KCNIP3: variants seen among roughly 807,000 people sequenced by gnomAD.
KCNIP3 encodes the protein potassium voltage-gated channel interacting protein 3.
Under a neutral mutation model 35.0 loss-of-function variants are expected in KCNIP3, and 28 were observed. The observed-to-expected ratio is 0.80, with a 90% CI of 0.59 to 1.10. The LOEUF is 1.10. KCNIP3 is among the 50% of genes least tolerant of loss of function. The pLI is 0.00. For synonymous variants in KCNIP3, 134 were observed against 133.8 expected (o/e 1.00, Z -0.01); for missense variants, 295 against 338.4 (o/e 0.87, Z 1.01).
intron 2 of KCNIP3, among the ~76,000 whole-genome samples, chr2:95,327,512 G>C (rs1352322487): frequency 6.6e-6 from 1 of 152,106 alleles, no homozygotes; most frequent in Non-Finnish European, 1.5e-5. Flanking sequence ...AGCAGTGGCT[G>C]TTGTTTTCAT....
rs60746990 is a variant in KCNIP3 at position 95,364,557 on chromosome 2, G to A, written c.182-9739G>A. 4.3e-3 allele frequency among the ~76,000 whole-genome samples: 658 copies of A among 152,228 alleles called. 27 individuals are homozygous for A. The East Asian group carries it at 0.093, about 22-fold the overall frequency. ...GTGGGAAGTATTGAATCACGGGCGC[G>A]GATCCCTCCTGAATGGCCCAGCACC... On this transcript the variant is annotated intron_variant, in intron 2 of 8. Coordinates refer to ENST00000295225, the MANE Select transcript of KCNIP3 (RefSeq NM_013434.5).
intron 2 of KCNIP3, among the ~76,000 whole-genome samples, chr2:95,370,528 TC>T (rs1680018117): frequency 6.6e-6 from 1 of 152,362 alleles, no homozygotes; most frequent in African/African-American, 2.4e-5. Flanking sequence ...AAGTACCTTT[TC>T]CTGTGCTTAT....
At chr2:95,358,310 G>C (rs1360992549) in intron 2 of KCNIP3, among the ~76,000 whole-genome samples, 2 of 152,204 alleles carry the variant, frequency 1.3e-5, no homozygotes, top group African/African-American at 4.8e-5. Flanking sequence ...GTGAATTAAA[G>C]ATTTGGAGAC....
At position 95,322,355 on chromosome 2, in the gene KCNIP3, C is replaced by T. The variant is rs185910398; in HGVS notation, c.181+11835C>T. ...CCAGCCTGGGTAACAGAGTGAGATC[C>T]TGCCTCAAAGAAAAAAATAAAAAAG... On this transcript the variant is annotated intron_variant, in intron 2 of 8. Transcript: ENST00000295225. Among the ~76,000 whole-genome samples the T allele has an allele frequency of 7.1e-4, 108 of 152,170 alleles. 2 individuals are homozygous for T. In the East Asian group the frequency reaches 0.016, roughly 22 times the overall value.
intron 5 of KCNIP3, 87 bp downstream of exon 5, chr2:95,375,295 G>T (rs1031392047): frequency 8.1e-7 from 1 of 1,234,408 alleles, no homozygotes; most frequent in East Asian, 2.3e-5. Context: ...CAGGGCTGTC[G>T]AGAGAGCCAT....
chr2:95,356,164 A>G (rs1679652430), intron 2 of KCNIP3, among the ~76,000 whole-genome samples: 1 of 151,698 alleles, frequency 6.6e-6, no homozygotes, highest in Non-Finnish European at 1.5e-5. Context: ...GTGTCTGTTC[A>G]TATCCTTTGC....
intron 2 of KCNIP3, among the ~76,000 whole-genome samples, chr2:95,320,533 A>G (rs1678567747): frequency 6.6e-6 from 1 of 151,264 alleles, no homozygotes; most frequent in Admixed American, 6.6e-5. Context: ...CCAGGTGCTG[A>G]GCCTGCCCCT....
At position 95,314,395 on chromosome 2, in the gene KCNIP3, C is replaced by T. The variant is rs1490079894; in HGVS notation, c.181+3875C>T. Reference sequence around the variant, plus strand: ...GACATCTGTGGCCATCTTTAATCCACCACAAAGATGGATTAAAGATGGATT... The same window carrying T: ...GACATCTGTGGCCATCTTTAATCCATCACAAAGATGGATTAAAGATGGATT... On this transcript the variant is annotated intron_variant, in intron 2 of 8. Coordinates refer to ENST00000295225, the MANE Select transcript of KCNIP3 (RefSeq NM_013434.5). 2.6e-5 allele frequency among the ~76,000 whole-genome samples: 4 copies of T among 152,152 alleles called. No homozygotes were observed. In the East Asian group the frequency reaches 7.7e-4, roughly 29 times the overall value.
At chr2:95,353,127 G>C (rs780071870) in intron 2 of KCNIP3, among the ~76,000 whole-genome samples, 1 of 152,236 alleles carries the variant, frequency 6.6e-6, no homozygotes, top group Non-Finnish European at 1.5e-5. Flanking sequence ...TTGGATTCTG[G>C]CTGGGGCAGG....
At chr2:95,347,771 A>G (rs1404379665) in intron 2 of KCNIP3, among the ~76,000 whole-genome samples, 1 of 152,170 alleles carries the variant, frequency 6.6e-6, no homozygotes, top group Non-Finnish European at 1.5e-5. Flanking sequence ...TCCCCTGTTC[A>G]AAGAGGCCCT....
chr2:95,382,595 G>A lies in KCNIP3; in HGVS notation c.660+114G>A. The A allele has an allele frequency of 1.5e-6, 1 of 664,384 alleles. No individual in the cohort carries two copies. The highest frequency in any genetic ancestry group is 2.8e-5 in the East Asian group (1 of 35,170). 41.2% of individuals were successfully genotyped at this position (664,384 alleles called of 1,614,324 possible). A position where few individuals can be genotyped will look rare whatever the true frequency, so the allele number is the denominator to read the frequency against. On this transcript the variant is annotated intron_variant, in intron 7 of 8. Coordinates refer to ENST00000295225, the MANE Select transcript of KCNIP3 (RefSeq NM_013434.5). This position sits in a 1 kb window ranked among gnomAD's most constrained non-coding sequence, Gnocchi z 4.5. The stretch of plus-strand genomic sequence containing the variant: ...CCCTCTGAGCCTCCCTACTCCCCAT[G>A]AGGAGGTTAAACTTGCCCCTCCAGT...
At chr2:95,313,647 A>G (rs1301482376) in intron 2 of KCNIP3, 2 of 152,164 alleles carry the variant, frequency 1.3e-5, no homozygotes, top group East Asian at 1.9e-4. Flanking sequence ...TGATGCCCAC[A>G]AGGGCTGTGG....
intron 5 of KCNIP3, among the ~76,000 whole-genome samples, chr2:95,381,260 C>T (rs1680330383): frequency 6.6e-6 from 1 of 152,220 alleles, no homozygotes; most frequent in Non-Finnish European, 1.5e-5. Context: ...CATGCACTCA[C>T]ACAGGTTCAC....
At chr2:95,359,549 G>T (rs1679740128) in intron 2 of KCNIP3, among the ~76,000 whole-genome samples, 1 of 152,186 alleles carries the variant, frequency 6.6e-6, no homozygotes, top group Non-Finnish European at 1.5e-5. Flanking sequence ...TTGCTAGCCG[G>T]TCACGCTGGT....
intron 2 of KCNIP3, among the ~76,000 whole-genome samples, chr2:95,358,354 TG>T (rs1679708646): frequency 6.6e-6 from 1 of 152,164 alleles, no homozygotes; most frequent in Admixed American, 6.5e-5. Flanking sequence ...GAGGACTACA[TG>T]GGGTATGGGA....
At chr2:95,307,705 C>T (rs1211195308) in intron 1 of KCNIP3, among the ~76,000 whole-genome samples, 1 of 152,182 alleles carries the variant, frequency 6.6e-6, no homozygotes, top group Admixed American at 6.5e-5. Context: ...AACCCTGGGC[C>T]CCGAGAAGCA....
intron 1 of KCNIP3, among the ~76,000 whole-genome samples, chr2:95,303,929 T>C (rs938580670): frequency 1.3e-5 from 2 of 152,180 alleles, no homozygotes; most frequent in African/African-American, 4.8e-5. Flanking sequence ...TTAAACCCAG[T>C]GTAAATGATT....
At chr2:95,375,974 G>T (rs978820176) in intron 5 of KCNIP3, among the ~76,000 whole-genome samples, 6 of 152,250 alleles carry the variant, frequency 3.9e-5, no homozygotes, top group African/African-American at 1.2e-4. Flanking sequence ...GGGGCCAGAA[G>T]GCCCCGGCCA....
chr2:95,326,787 A>G (rs1367088442), intron 2 of KCNIP3, among the ~76,000 whole-genome samples: 1 of 152,216 alleles, frequency 6.6e-6, no homozygotes, highest in East Asian at 1.9e-4. Context: ...ACCTCGGCCT[A>G]CAGGGCCCCG....
Sources: gnomAD v4.1 joint callset for allele counts (sites outside exome capture counted in the v4.1 genomes callset) on GRCh38, gnomAD v4.1.1 for gene constraint, Gnocchi (gnomAD v3.1) non-coding constraint, MANE v1.5 for transcripts, NCBI Gene and HGNC (gene_info 2026-07-23, HGNC 2026-07-21) for gene names.